Variants in CREB3L2 observed in about 807,000 individuals in gnomAD.
CREB3L2 encodes cyclic AMP-responsive element-binding protein 3-like protein 2.
A neutral mutation model predicts 57.2 loss-of-function variants in CREB3L2; 23 were observed. That is an observed-to-expected ratio of 0.40 (90% CI 0.29 to 0.57). The LOEUF is 0.57. Among genes scored for constraint, CREB3L2 ranks in the 20% least tolerant of loss-of-function variants. The probability of loss-of-function intolerance (pLI) is 0.42; values close to 1 mark genes in which losing one functional copy is unlikely to be tolerated. For missense variants in CREB3L2, 628 were observed against 634.7 expected (o/e 0.99, Z 0.11); for synonymous variants, 268 against 265.1 (o/e 1.01, Z -0.11).
chr7:137,944,242 C>A (rs1800927411), intron 1 of CREB3L2, among the ~76,000 whole-genome samples: 1 of 152,166 alleles, frequency 6.6e-6, no homozygotes, highest in Admixed American at 6.5e-5. Context: ...TAGCAATTCA[C>A]AAAGCTGTAC....
chr7:137,917,507 A>G (rs1482966780), intron 2 of CREB3L2, among the ~76,000 whole-genome samples: 1 of 152,210 alleles, frequency 6.6e-6, no homozygotes, highest in African/African-American at 2.4e-5. Flanking sequence ...TCACATACTT[A>G]GTGACCCATG....
intron 1 of CREB3L2, chr7:137,953,433 T>A: frequency 7.9e-7 from 1 of 1,271,968 alleles, no homozygotes; most frequent in South Asian, 1.2e-5. Flanking sequence ...GATGGATAAA[T>A]AACAGTATCT....
At chr7:137,938,086 T>A (rs1800821768) in intron 1 of CREB3L2, among the ~76,000 whole-genome samples, 1 of 152,200 alleles carries the variant, frequency 6.6e-6, no homozygotes, top group Admixed American at 6.5e-5. Context: ...ACACGGATAC[T>A]ATAATGGTGG....
intron 11 of CREB3L2, among the ~76,000 whole-genome samples, chr7:137,881,910 C>G (rs1799300381): frequency 6.6e-6 from 1 of 152,178 alleles, no homozygotes; most frequent in South Asian, 2.1e-4. Flanking sequence ...TACCCCTCAA[C>G]ATACATCTAT....
intron 1 of CREB3L2, among the ~76,000 whole-genome samples, chr7:137,928,979 AAT>A (rs1800546028): frequency 6.6e-6 from 1 of 152,206 alleles, no homozygotes; most frequent in Admixed American, 6.5e-5. Context: ...TTGCACTGAT[AAT>A]ATGTTTAAAT....
chr7:137,881,369 C>G (rs1303253537), intron 11 of CREB3L2, among the ~76,000 whole-genome samples: 1 of 152,164 alleles, frequency 6.6e-6, no homozygotes, highest in Non-Finnish European at 1.5e-5. Context: ...GAAATGCTCA[C>G]TGAAGCATTT....
intron 8 of CREB3L2, among the ~76,000 whole-genome samples, chr7:137,895,155 C>G (rs1029982267): frequency 3.3e-5 from 5 of 152,156 alleles, no homozygotes; most frequent in Non-Finnish European, 7.3e-5. Context: ...ATGGGCCGGG[C>G]AGTGTATGTG....
chr7:137,921,823 C>A (rs1026978298), intron 2 of CREB3L2, among the ~76,000 whole-genome samples: 1 of 152,128 alleles, frequency 6.6e-6, no homozygotes, highest in African/African-American at 2.4e-5. Context: ...CTATGTCCAC[C>A]TTTTTCTTTT....
At chr7:137,928,749 G>A (rs1434522425) in intron 1 of CREB3L2, among the ~76,000 whole-genome samples, 1 of 152,138 alleles carries the variant, frequency 6.6e-6, no homozygotes, top group African/African-American at 2.4e-5. Context: ...CTTCCATGAG[G>A]GAGAAAAACC....
rs771211415 is a variant in CREB3L2 at position 137,880,438 on chromosome 7, T to C, written c.*38A>G. On this transcript the variant is annotated 3_prime_UTR_variant, in exon 12 of 12. Coordinates refer to ENST00000330387, the MANE Select transcript of CREB3L2 (RefSeq NM_194071.4). This position sits in a 1 kb window ranked among gnomAD's most constrained non-coding sequence, Gnocchi z 4.0. ...CAAAGGTGGTTTGGGGATGTAAAAG[T>C]AGAGTTAAGGGAAAGGGAGGGGGTG... is the stretch of plus-strand genomic sequence containing the variant. 2 of 1,539,444 alleles carry C rather than the reference T, an allele frequency of 1.3e-6. No individual in the cohort carries two copies. The highest frequency in any genetic ancestry group is 1.8e-6 in the Non-Finnish European group (2 of 1,115,204).
intron 5 of CREB3L2, among the ~76,000 whole-genome samples, chr7:137,906,799 C>T (rs1389379313): frequency 6.6e-6 from 1 of 152,220 alleles, no homozygotes; most frequent in African/African-American, 2.4e-5. Context: ...AGGAGTTGCA[C>T]TGCACAAGCT....
intron 1 of CREB3L2, among the ~76,000 whole-genome samples, chr7:137,969,641 G>A (rs370239601): frequency 4.6e-5 from 7 of 151,684 alleles, no homozygotes; most frequent in Admixed American, 2.6e-4. Context: ...GTGAGCCACC[G>A]CGTCCGGCCT....
At chr7:137,908,776 C>A (rs141676697) in intron 4 of CREB3L2, among the ~76,000 whole-genome samples, 7,924 of 152,068 alleles carry the variant, frequency 0.052, 431 homozygotes, top group African/African-American at 0.14. Context: ...GAGTTTGTGA[C>A]CAGCCTGACC....
rs1800907298 is a variant in CREB3L2 at position 137,943,237 on chromosome 7, C to T, written c.103-14871G>A. On this transcript the variant is annotated intron_variant, in intron 1 of 11. Transcript: ENST00000330387. ...ACTATGACGTAGGTAGCTTCTGCTT[C>T]CACTCACACCTAAAAGAGTAAAACA... Among the ~76,000 whole-genome samples the T allele has an allele frequency of 2.0e-5, 3 of 152,172 alleles. No homozygotes were observed. The South Asian group carries it at 6.2e-4, about 32-fold the overall frequency.
intron 1 of CREB3L2, among the ~76,000 whole-genome samples, chr7:137,948,710 T>C (rs910713558): frequency 3.3e-5 from 5 of 152,160 alleles, no homozygotes; most frequent in African/African-American, 1.2e-4. Context: ...ACAGCATGAG[T>C]ATTAGCACGT....
chr7:137,910,526 G>A (rs1018868838), intron 4 of CREB3L2, among the ~76,000 whole-genome samples: 1 of 151,914 alleles, frequency 6.6e-6, no homozygotes, highest in East Asian at 1.9e-4. Flanking sequence ...AAGGTTTCTC[G>A]AATGCCATGA....
intron 8 of CREB3L2, among the ~76,000 whole-genome samples, chr7:137,900,675 G>A (rs904986444): frequency 3.3e-5 from 5 of 151,468 alleles, no homozygotes; most frequent in African/African-American, 9.7e-5. Context: ...GTGGTGGCGC[G>A]TGCCTGTAGT....
At chr7:137,926,586 C>A (rs113373514) in intron 2 of CREB3L2, among the ~76,000 whole-genome samples, 1 of 151,860 alleles carries the variant, frequency 6.6e-6, no homozygotes, top group Non-Finnish European at 1.5e-5. Context: ...CGGTGGGTAG[C>A]GGGCAAGGGG....
chr7:137,919,698 T>C (rs1176691516), intron 2 of CREB3L2, among the ~76,000 whole-genome samples: 5 of 152,240 alleles, frequency 3.3e-5, no homozygotes, highest in Non-Finnish European at 1.5e-5. Context: ...AAGTCAATTA[T>C]GGTGCATCCA....
Sources: allele counts gnomAD v4.1 joint callset (sites outside exome capture counted in the v4.1 genomes callset), GRCh38; gene constraint gnomAD v4.1.1; non-coding constraint Gnocchi (gnomAD v3.1); transcripts MANE v1.5; gene names NCBI Gene and HGNC (gene_info 2026-07-23, HGNC 2026-07-21).